The following PLXNA4 variants were observed in gnomAD, a reference collection of about 807,000 sequenced individuals.
PLXNA4 encodes the protein plexin-A4.
Under a neutral mutation model 191.8 loss-of-function variants are expected in PLXNA4, and 44 were observed. That is an observed-to-expected ratio of 0.23 (90% CI 0.18 to 0.29). The LOEUF is 0.29. Ranked by LOEUF, PLXNA4 falls within the 10% of genes least tolerant of loss-of-function variation. The pLI is 1.00. For missense variants in PLXNA4, 1,800 were observed against 2,488.8 expected (o/e 0.72, Z 5.89); for synonymous variants, 1,082 against 1,009.5 (o/e 1.07, Z -1.36).
chr7:132,368,407 C>G (rs1054528641), intron 3 of PLXNA4, among the ~76,000 whole-genome samples: 2 of 152,162 alleles, frequency 1.3e-5, no homozygotes, highest in Admixed American at 6.5e-5. Flanking sequence ...CCCTGTCGCT[C>G]TCCTTCCTGC....
At chr7:132,623,136 G>A (rs1803302626) in intron 2 of PLXNA4, among the ~76,000 whole-genome samples, 1 of 152,060 alleles carries the variant, frequency 6.6e-6, no homozygotes, top group Non-Finnish European at 1.5e-5. Context: ...CCTGAGGTCT[G>A]GAGTTCAGCC....
In PLXNA4 at chr7:132,185,308, C is replaced by G. The variant is rs1231612496; in HGVS notation, c.3149G>C (p.Ser1050Thr). The G allele has an allele frequency of 6.2e-7, 1 of 1,612,598 alleles. No homozygotes were observed. The highest frequency in any genetic ancestry group is 8.5e-7 in the Non-Finnish European group (1 of 1,179,338). ...PTIVRIEPEW[S>T]IVSGNTPIAV... ...TTGGGCCAGCTCCTACCTGACAATG[C>G]TCCATTCTGGCTCAATCCGCACGAT... is the stretch of plus-strand genomic sequence containing the variant. The change falls in exon 16 of 32, where the codon AGC (serine) becomes ACC (threonine). Residue 1050 changes from serine to threonine, a missense_variant. Physicochemically the swap from Ser to Thr is moderately conservative, Grantham distance 58 (BLOSUM62 1). Coordinates refer to ENST00000321063, the MANE Select transcript of PLXNA4 (RefSeq NM_020911.2).
At chr7:132,594,940 TA>T (rs1311595884) in intron 2 of PLXNA4, among the ~76,000 whole-genome samples, 3 of 150,420 alleles carry the variant, frequency 2.0e-5, no homozygotes, top group Admixed American at 6.6e-5. Context: ...GATAGATAGA[TA>T]GATAGATAGA....
intron 1 of PLXNA4, among the ~76,000 whole-genome samples, chr7:132,523,841 G>A (rs548469627): frequency 4.6e-5 from 7 of 152,154 alleles, no homozygotes; most frequent in Admixed American, 2.6e-4. Context: ...ATCTGGGTGG[G>A]TGCTGGTACC....
intron 12 of PLXNA4, among the ~76,000 whole-genome samples, chr7:132,202,014 G>A (rs919523287): frequency 6.6e-6 from 1 of 152,184 alleles, no homozygotes; most frequent in African/African-American, 2.4e-5. Flanking sequence ...AGATACTGGT[G>A]ATTTAGCCCC....
At chr7:132,578,289 G>A (rs1041422853), upstream of PLXNA4, among the ~76,000 whole-genome samples, 4 of 152,030 alleles carry the variant, frequency 2.6e-5, no homozygotes, top group African/African-American at 7.2e-5. Flanking sequence ...GAGGGAAGTG[G>A]CACCTTCAGC....
chr7:132,191,831 T>TAC (rs200649890), intron 14 of PLXNA4, among the ~76,000 whole-genome samples: 1,440 of 141,688 alleles, frequency 0.01, 7 homozygotes, highest in Middle Eastern at 0.049. Context: ...TATATATATA[T>TAC]ATACACACAC....
At chr7:132,597,856 T>TA (rs1802743833) in intron 2 of PLXNA4, among the ~76,000 whole-genome samples, 2 of 60,284 alleles carry the variant, frequency 3.3e-5, no homozygotes, top group African/African-American at 6.8e-5. Context: ...TCTCTCTCTC[T>TA]CTCTATATAT....
chr7:132,508,326 T>C lies in PLXNA4; in HGVS notation c.368A>G (p.Lys123Arg). Residue 123 changes from lysine (K) to arginine (R), a missense_variant, in exon 2 of 32, where the codon AAG (lysine) becomes AGG (arginine). Transcript: ENST00000321063. The surrounding 1 kb of genome is among the most constrained non-coding windows in gnomAD (Gnocchi z 4.4). ...NVNKMLLIDY[K>R]ENRLIACGSL... ...CCCACAGGCAATCAGCCTGTTCTCC[T>C]TGTAGTCTATGAGGAGCATCTTGTT... 6.2e-7 allele frequency: 1 copy of C among 1,614,222 alleles called. No individual in the cohort carries two copies. Among genetic ancestry groups the C allele is most frequent in the Non-Finnish European group, 8.5e-7 (1 of 1,180,052 alleles).
intron 3 of PLXNA4, among the ~76,000 whole-genome samples, chr7:132,332,696 A>G (rs1307081689): frequency 6.6e-6 from 1 of 151,550 alleles, no homozygotes; most frequent in East Asian, 1.9e-4. Context: ...AAAAAAAAAA[A>G]TACAAAACTA....
intron 1 of PLXNA4, among the ~76,000 whole-genome samples, chr7:132,562,522 CCTCCTCCTTCTCCTCTTT>C (rs1801250474): frequency 7.7e-6 from 1 of 130,354 alleles, no homozygotes; most frequent in African/African-American, 3.2e-5. Context: ...TCCTCCTCTT[CCTCCTCCTTCTCCTCTTT>C]CTCCTCCTCC....
intron 1 of PLXNA4, among the ~76,000 whole-genome samples, chr7:132,516,955 T>TCAAA (rs887728016): frequency 1.3e-4 from 20 of 152,046 alleles, no homozygotes; most frequent in Non-Finnish European, 2.6e-4. Flanking sequence ...AGACTCTACC[T>TCAAA]CAAACAAACA....
At chr7:132,562,063 TCTC>T (rs1374438665) in intron 1 of PLXNA4, among the ~76,000 whole-genome samples, 3 of 67,636 alleles carry the variant, frequency 4.4e-5, no homozygotes, top group African/African-American at 7.1e-5. Flanking sequence ...CCCTCCTCCT[TCTC>T]CTCCTCTTCC....
chr7:132,180,250 A>G (rs1438474224), intron 19 of PLXNA4, among the ~76,000 whole-genome samples: 2 of 152,202 alleles, frequency 1.3e-5, no homozygotes, highest in Admixed American at 1.3e-4. Context: ...CTAAGGGTGG[A>G]CAACTGAAGC....
chr7:132,643,296 T>G (rs1274778438), intron 2 of PLXNA4, among the ~76,000 whole-genome samples: 1 of 152,094 alleles, frequency 6.6e-6, no homozygotes, highest in Admixed American at 6.6e-5. Context: ...GATCATAAAC[T>G]CCTCAAGGGC....
chr7:132,237,705 C>T (rs368574458), intron 5 of PLXNA4, among the ~76,000 whole-genome samples: 13 of 152,346 alleles, frequency 8.5e-5, no homozygotes, highest in African/African-American at 2.6e-4. Flanking sequence ...CTGTAACATC[C>T]TATATCAATC....
intron 3 of PLXNA4, among the ~76,000 whole-genome samples, chr7:132,322,551 T>G (rs1285578709): frequency 1.3e-5 from 2 of 152,156 alleles, no homozygotes; most frequent in African/African-American, 2.4e-5. Context: ...GTGGCTCCAT[T>G]CTTTATCCCA....
intron 21 of PLXNA4, among the ~76,000 whole-genome samples, chr7:132,174,122 C>G (rs1340688373): frequency 2.6e-5 from 4 of 152,172 alleles, no homozygotes; most frequent in Non-Finnish European, 5.9e-5. Flanking sequence ...ATTATTCTGT[C>G]CTGGTCTTTT....
Position 132,365,310 on chromosome 7 carries a change from G to A in PLXNA4, c.1372-67088C>T, listed in dbSNP as rs78815443. On this transcript the variant is annotated intron_variant, in intron 3 of 31. Coordinates refer to ENST00000321063, the MANE Select transcript of PLXNA4 (RefSeq NM_020911.2). Reference sequence around the variant, plus strand: ...AGGGGTTTCCATGCCCTGCTCCCCCGGTCTTTCCTACGGCCCGCGTGTGTG... The same window carrying A: ...AGGGGTTTCCATGCCCTGCTCCCCCAGTCTTTCCTACGGCCCGCGTGTGTG... Among the ~76,000 whole-genome samples the A allele has an allele frequency of 6.5e-3, 982 of 150,964 alleles. 18 individuals are homozygous for A. The highest frequency in any genetic ancestry group is 0.023 in the African/African-American group (930 of 41,008).
Sources: allele counts gnomAD v4.1 joint callset (sites outside exome capture counted in the v4.1 genomes callset), GRCh38; gene constraint gnomAD v4.1.1; non-coding constraint Gnocchi (gnomAD v3.1); transcripts MANE v1.5; gene names NCBI Gene and HGNC (gene_info 2026-07-23, HGNC 2026-07-21).